Variants in VPS54 observed in about 807,000 individuals in gnomAD.
VPS54 encodes the protein vacuolar protein sorting-associated protein 54.
In VPS54, 45 loss-of-function variants were observed where a neutral mutation model predicts 121.5. The ratio of observed to expected loss-of-function variants is 0.37; its 90% CI spans 0.29 to 0.47. VPS54 has a LOEUF of 0.47. VPS54 is among the 20% of genes least tolerant of loss of function. VPS54 has a pLI of 0.99. For synonymous variants in VPS54, 371 were observed against 385.8 expected (o/e 0.96, Z 0.45); for missense variants, 1,090 against 1,131.4 (o/e 0.96, Z 0.52).
intron 1 of VPS54, among the ~76,000 whole-genome samples, chr2:64,002,909 G>T (rs1677953283): frequency 6.6e-6 from 1 of 152,076 alleles, no homozygotes; most frequent in African/African-American, 2.4e-5. Flanking sequence ...TTATTAAAAA[G>T]ATCTCCCTAC....
rs773169739 is a variant in VPS54, at chr2:63,916,923, C to G, written c.2205G>C (p.Glu735Asp). ...ACCCAACAACTGCATACTGTTGTCC[C>G]TCGACAATAAGAACTTCAGCTGGTT... ...ERKPAEVLIV[E>D]GQQYAVVGTV... The change falls in exon 16 of 23, where the codon GAG becomes GAC. Residue 735 changes from glutamate to aspartate, a missense_variant. Coordinates refer to ENST00000272322, the MANE Select transcript of VPS54 (RefSeq NM_016516.3). 6.2e-7 allele frequency: 1 copy of G among 1,613,594 alleles called. No individual in the cohort carries two copies. Among genetic ancestry groups the G allele is most frequent in the South Asian group, 1.1e-5 (1 of 91,048 alleles).
intron 3 of VPS54, chr2:63,975,113 T>A (rs568042568): frequency 2.1e-5 from 28 of 1,349,348 alleles, no homozygotes; most frequent in Middle Eastern, 2.5e-4. Context: ...TGGCGTGATC[T>A]TGGTTCACTG....
intron 20 of VPS54, among the ~76,000 whole-genome samples, chr2:63,903,380 C>T (rs1575885454): frequency 1.3e-5 from 2 of 152,108 alleles, no homozygotes; most frequent in African/African-American, 4.8e-5. Flanking sequence ...CTGGCAGATA[C>T]ATTCACAAGA....
rs561372557 is a variant in VPS54 at position 63,900,248 on chromosome 2, T to C, written c.2626-667A>G. ...AAAAAAAAAAAAAAAAAAAAAAGAA[T>C]GTGTCAGTATGATCGTATCTGAAAT... On this transcript the variant is annotated intron_variant, in intron 20 of 22. Transcript: ENST00000272322. 2.5e-3 allele frequency among the ~76,000 whole-genome samples: 301 copies of C among 119,634 alleles called. 1 individual carries two copies. Among genetic ancestry groups the C allele is most frequent in the Non-Finnish European group, 4.1e-3 (228 of 56,232 alleles). 78.5% of individuals were successfully genotyped at this position (119,634 alleles called of 152,430 possible).
At chr2:63,975,036 GT>G in intron 3 of VPS54, 1 of 1,548,668 alleles carries the variant, frequency 6.5e-7, no homozygotes, top group Non-Finnish European at 8.7e-7. Flanking sequence ...TAGCTACAGA[GT>G]TTTTGTAGAT....
rs1194371865 is a variant in VPS54, at chr2:63,953,126, ATTTTTTTTTT to A, written c.1011-3973_1011-3964del. Among the ~76,000 whole-genome samples the A allele has an allele frequency of 1.7e-5, 2 of 119,228 alleles. 1 individual carries two copies. The highest frequency in any genetic ancestry group is 1.7e-4 in the Admixed American group (2 of 11,674). 78.2% of individuals were successfully genotyped at this position (119,228 alleles called of 152,430 possible). On this transcript the variant is annotated intron_variant, in intron 7 of 22. Coordinates refer to ENST00000272322, the MANE Select transcript of VPS54 (RefSeq NM_016516.3). ...CACACACAACCCCATGAAATTTTTA[ATTTTTTTTTT>A]TTTTTTTTTTTTTTAGACAGAGTCT... is the stretch of plus-strand genomic sequence containing the variant.
chr2:63,934,738 C>CT (rs1222328563), intron 11 of VPS54, among the ~76,000 whole-genome samples: 7 of 152,132 alleles, frequency 4.6e-5, no homozygotes, highest in African/African-American at 1.7e-4. Context: ...TCTAGGTCTC[C>CT]TTCTATTAGA....
At chr2:64,014,926 A>G (rs1678607887) in intron 1 of VPS54, among the ~76,000 whole-genome samples, 1 of 152,196 alleles carries the variant, frequency 6.6e-6, no homozygotes, top group Admixed American at 6.5e-5. Context: ...AAGCTTGTTA[A>G]AAACATTAAA....
rs896384005 is a variant in VPS54, at chr2:63,962,446, TA to T, written c.625-4del. The T allele has an allele frequency of 6.3e-7, 1 of 1,597,612 alleles. No homozygotes were observed. On this transcript the variant is annotated splice_region_variant and splice_polypyrimidine_tract_variant and intron_variant, in intron 6 of 22. Transcript: ENST00000272322. ...ACAATATCCAGATAATGGCTCAGCT[TA>T]AAAGAGAAGGAAAAAAAATATGAAG...
At chr2:63,908,917 C>G (rs1481225645) in intron 20 of VPS54, among the ~76,000 whole-genome samples, 2 of 152,180 alleles carry the variant, frequency 1.3e-5, no homozygotes, top group Non-Finnish European at 2.9e-5. Flanking sequence ...GAATTTAGGT[C>G]TACCTGACTC....
At chr2:63,931,058 AG>A (rs1466814513) in intron 12 of VPS54, among the ~76,000 whole-genome samples, 1 of 152,270 alleles carries the variant, frequency 6.6e-6, no homozygotes, top group East Asian at 1.9e-4. Context: ...ATGGATAAGA[AG>A]AATCAATATT....
At chr2:63,899,191 T>G (rs1192562960) in intron 21 of VPS54, among the ~76,000 whole-genome samples, 1 of 152,222 alleles carries the variant, frequency 6.6e-6, no homozygotes, top group African/African-American at 2.4e-5. Flanking sequence ...TAATAAATGA[T>G]GTAAGCAGAA....
rs529424734 is a variant in VPS54 at position 63,957,253 on chromosome 2, T to C, written c.1010+4805A>G. Among the ~76,000 whole-genome samples, 5 of 152,004 alleles carry C rather than the reference T, an allele frequency of 3.3e-5. No homozygotes were observed. The South Asian group carries it at 1.0e-3, about 32-fold the overall frequency. ...GTCAGGAGATCGAGGCCATCCTGGC[T>C]AACACGGTGAAACCCTGTCTCTACT... On this transcript the variant is annotated intron_variant, in intron 7 of 22. Coordinates refer to ENST00000272322, the MANE Select transcript of VPS54 (RefSeq NM_016516.3).
intron 1 of VPS54, among the ~76,000 whole-genome samples, chr2:64,009,886 G>C (rs1361780936): frequency 2.0e-5 from 3 of 151,146 alleles, no homozygotes; most frequent in African/African-American, 4.9e-5. Context: ...CTGTCACTCA[G>C]GCTGGAGTGC....
intron 13 of VPS54, 87 bp from the exon 14 acceptor site, chr2:63,920,714 A>G (rs1210115052): frequency 4.1e-6 from 3 of 731,296 alleles, no homozygotes; most frequent in Non-Finnish European, 5.6e-6. Flanking sequence ...ATTATAATCT[A>G]TATATTTTTT....
intron 20 of VPS54, among the ~76,000 whole-genome samples, chr2:63,908,656 A>C (rs1044628721): frequency 6.6e-6 from 1 of 152,226 alleles, no homozygotes; most frequent in African/African-American, 2.4e-5. Context: ...CTGATGCATT[A>C]GCCAAATGGA....
At chr2:63,905,859 TGGCAATCCTAAA>T (rs1233647386) in intron 20 of VPS54, among the ~76,000 whole-genome samples, 3 of 152,182 alleles carry the variant, frequency 2.0e-5, no homozygotes, top group Non-Finnish European at 2.9e-5. Flanking sequence ...TAATTCACCT[TGGCAATCCTAAA>T]GGCAATCCTA....
At chr2:63,926,099 T>C (rs1023030278) in intron 12 of VPS54, among the ~76,000 whole-genome samples, 2 of 152,186 alleles carry the variant, frequency 1.3e-5, no homozygotes, top group Non-Finnish European at 2.9e-5. Context: ...CAAAACAAAG[T>C]AAGCAAGGTA....
chr2:63,940,930 C>T (rs142645811), intron 11 of VPS54, among the ~76,000 whole-genome samples: 1,534 of 152,268 alleles, frequency 0.01, 15 homozygotes, highest in Non-Finnish European at 0.016. Context: ...ATTTTAGAAG[C>T]AGTCTAAATT....
Sources: allele counts gnomAD v4.1 joint callset (sites outside exome capture counted in the v4.1 genomes callset), GRCh38; gene constraint gnomAD v4.1.1; transcripts MANE v1.5; gene names NCBI Gene and HGNC (gene_info 2026-07-23, HGNC 2026-07-21).